The following EPS15 variants were observed in gnomAD, a reference collection of about 807,000 sequenced individuals.
EPS15 encodes the protein epidermal growth factor receptor substrate 15.
In EPS15, 72 loss-of-function variants were observed where a neutral mutation model predicts 113.8. That is an observed-to-expected ratio of 0.63 (90% CI 0.52 to 0.77). EPS15 has a LOEUF of 0.77. Among genes scored for constraint, EPS15 ranks in the 30% least tolerant of loss-of-function variants. EPS15 has a pLI of 0.00. For missense variants in EPS15, 1,048 were observed against 1,045.8 expected, an observed-to-expected ratio of 1.00 and a Z score of -0.03; for synonymous variants, 344 against 363.4, an observed-to-expected ratio of 0.95 and a Z score of 0.61.
intron 1 of EPS15, among the ~76,000 whole-genome samples, chr1:51,496,558 T>G: frequency 6.6e-6 from 1 of 152,196 alleles, no homozygotes; most frequent in East Asian, 1.9e-4. Flanking sequence ...TAAACAAACA[T>G]TAAGTCAAAG....
intron 12 of EPS15, among the ~76,000 whole-genome samples, chr1:51,431,661 G>GT (rs1165169548): frequency 6.6e-6 from 1 of 152,020 alleles, no homozygotes; most frequent in Non-Finnish European, 1.5e-5. Flanking sequence ...GGCCAGGCTG[G>GT]TTTCAAACTC....
chr1:51,396,064 AATGAAGTTTTT>A (rs1161334535), intron 20 of EPS15, among the ~76,000 whole-genome samples: 1 of 152,222 alleles, frequency 6.6e-6, no homozygotes, highest in Non-Finnish European at 1.5e-5. Context: ...AATTAATACT[AATGAAGTTTTT>A]AGAAATGAAA....
chr1:51,361,168 T>C lies in EPS15; in HGVS notation c.2544+3A>G. 1 of 1,608,762 alleles carries C rather than the reference T, an allele frequency of 6.2e-7. No homozygotes were observed. Among genetic ancestry groups the C allele is most frequent in the Non-Finnish European group, 8.5e-7 (1 of 1,175,334 alleles). ...CCCCAAACAGCTCATTCACAGTACT[T>C]ACAGCACTGAAGTTGGCAAAATTGC... On this transcript the variant is annotated splice_donor_region_variant and intron_variant, in intron 24 of 24. Coordinates refer to ENST00000371733, the MANE Select transcript of EPS15 (RefSeq NM_001981.3).
chr1:51,388,577 T>C (rs994414882), intron 21 of EPS15, among the ~76,000 whole-genome samples: 1 of 151,922 alleles, frequency 6.6e-6, no homozygotes, highest in East Asian at 1.9e-4. Context: ...CTAGCAAGAC[T>C]AATAAAGAAA....
At chr1:51,378,585 A>G (rs1363250048) in intron 21 of EPS15, among the ~76,000 whole-genome samples, 2 of 152,234 alleles carry the variant, frequency 1.3e-5, no homozygotes. Context: ...ACACATTTTA[A>G]AACAAGAATT....
intron 9 of EPS15, 102 bp downstream of exon 9, chr1:51,447,944 T>C (rs989883261): frequency 4.1e-5 from 61 of 1,495,090 alleles, no homozygotes; most frequent in Middle Eastern, 3.6e-4. Flanking sequence ...CCTGTCTTAA[T>C]GGTGCTTTGG....
chr1:51,450,927 A>G (rs1001061661), intron 8 of EPS15, among the ~76,000 whole-genome samples: 12 of 151,860 alleles, frequency 7.9e-5, no homozygotes, highest in African/African-American at 2.9e-4. Context: ...CACAAAGAAC[A>G]TTGTGTGTCT....
chr1:51,465,358 G>A, intron 5 of EPS15, 32 bp from the exon 6 acceptor site: 1 of 1,464,728 alleles, frequency 6.8e-7, no homozygotes, highest in Non-Finnish European at 9.4e-7. Flanking sequence ...AACAAGAGTT[G>A]AAATTCTCAC....
At chr1:51,488,321 T>C (rs1053768699) in intron 1 of EPS15, among the ~76,000 whole-genome samples, 2 of 152,100 alleles carry the variant, frequency 1.3e-5, no homozygotes, top group Non-Finnish European at 2.9e-5. Flanking sequence ...ATATATTCAT[T>C]ACCTATATCA....
chr1:51,500,330 ATGG>A (rs1644390920), intron 1 of EPS15, among the ~76,000 whole-genome samples: 1 of 152,208 alleles, frequency 6.6e-6, no homozygotes, highest in Admixed American at 6.5e-5. Flanking sequence ...GCTGGATTAT[ATGG>A]TGATTATGCG....
At chr1:51,418,503 G>A (rs1021192052) in intron 13 of EPS15, among the ~76,000 whole-genome samples, 3 of 152,142 alleles carry the variant, frequency 2.0e-5, no homozygotes, top group African/African-American at 7.2e-5. Flanking sequence ...TAGGAAGGGG[G>A]GGAAAATGGC....
chr1:51,430,176 C>T (rs1211551551), intron 12 of EPS15, among the ~76,000 whole-genome samples: 1 of 152,106 alleles, frequency 6.6e-6, no homozygotes, highest in Admixed American at 6.5e-5. Context: ...TGTCAGAAGC[C>T]TTGAGCTAGA....
chr1:51,372,270 GA>G (rs1646674684), intron 21 of EPS15: 2 of 492,186 alleles, frequency 4.1e-6, no homozygotes, highest in South Asian at 3.0e-5. Flanking sequence ...CAAGATGTCA[GA>G]GCTGGCAGTG....
At chr1:51,421,938 A>G in intron 12 of EPS15, 80 bp from the exon 13 acceptor site, 1 of 1,579,998 alleles carries the variant, frequency 6.3e-7, no homozygotes. Flanking sequence ...CCTAATCCTG[A>G]ATCGCTTTTT....
intron 16 of EPS15, 58 bp downstream of exon 16, chr1:51,405,847 G>T: frequency 7.1e-7 from 1 of 1,412,962 alleles, no homozygotes. Context: ...TAATGTCAGT[G>T]AAACTTGGAT....
chr1:51,383,558 G>T (rs1015307884), intron 21 of EPS15, among the ~76,000 whole-genome samples: 6 of 152,184 alleles, frequency 3.9e-5, no homozygotes, highest in Non-Finnish European at 8.8e-5. Context: ...TAAGGTTCAA[G>T]CTCCTATGAG....
intron 14 of EPS15, 59 bp downstream of exon 14, chr1:51,409,476 T>C: frequency 6.7e-7 from 1 of 1,488,898 alleles, no homozygotes; most frequent in African/African-American, 1.4e-5. Flanking sequence ...GTTTTCATCT[T>C]AAGCCAGGAA....
intron 21 of EPS15, among the ~76,000 whole-genome samples, chr1:51,375,184 G>C (rs1646768406): frequency 6.6e-6 from 1 of 151,462 alleles, no homozygotes; most frequent in East Asian, 1.9e-4. Context: ...TGTATTTTTA[G>C]TAGAGACAGG....
At chr1:51,423,514 T>G (rs1350534892) in intron 12 of EPS15, 8 of 985,334 alleles carry the variant, frequency 8.1e-6, no homozygotes, top group Non-Finnish European at 8.4e-6. Context: ...CACATGAAAA[T>G]CTAGCACCCT....
Sources: gnomAD v4.1 joint callset for allele counts (sites outside exome capture counted in the v4.1 genomes callset) on GRCh38, gnomAD v4.1.1 for gene constraint, MANE v1.5 for transcripts, NCBI Gene and HGNC (gene_info 2026-07-23, HGNC 2026-07-21) for gene names.